Variants in TTLL5 observed in about 807,000 individuals in gnomAD.
TTLL5 encodes the protein tubulin tyrosine ligase like 5, also known as tubulin polyglutamylase TTLL5.
Under a neutral mutation model 168.4 loss-of-function variants are expected in TTLL5, and 132 were observed. That is an observed-to-expected ratio of 0.78 (90% CI 0.68 to 0.91). The LOEUF (loss-of-function observed/expected upper bound fraction) is 0.91. TTLL5 is among the 40% of genes least tolerant of loss of function. The probability of loss-of-function intolerance (pLI) is 0.00; values close to 1 mark genes in which losing one functional copy is unlikely to be tolerated. For missense variants in TTLL5, 1,545 were observed against 1,581.5 expected (o/e 0.98, Z 0.39); for synonymous variants, 546 against 558.6 (o/e 0.98, Z 0.32).
At position 75,766,125 on chromosome 14, in the gene TTLL5, T is replaced by A. The variant is rs1235365138; in HGVS notation, c.1772T>A (p.Val591Asp). 1 of 1,613,960 alleles carries A rather than the reference T, an allele frequency of 6.2e-7. No individual in the cohort carries two copies. Among genetic ancestry groups the A allele is most frequent in the Admixed American group, 1.7e-5 (1 of 59,996 alleles). ...ACAGAGAGTGAAGAGGAGGAAGAAG[T>A]CGCATTAGATAATGAAGATGAAGAA... ...TETESEEEEEVALDNEDEEQE... is the reference protein window; with the variant it reads ...TETESEEEEEDALDNEDEEQE... Residue 591 changes from valine to aspartate, a missense_variant, in exon 20 of 32, where the codon GTC becomes GAC. By Grantham distance (152) the Val-to-Asp change is radical. Coordinates refer to ENST00000298832, the MANE Select transcript of TTLL5 (RefSeq NM_015072.5).
At chr14:75,879,316 C>T (rs2140012464) in intron 29 of TTLL5, among the ~76,000 whole-genome samples, 1 of 152,286 alleles carries the variant, frequency 6.6e-6, no homozygotes, top group Admixed American at 6.5e-5. Flanking sequence ...AATTTGCTTT[C>T]ACAACTAGTG....
intron 18 of TTLL5, among the ~76,000 whole-genome samples, chr14:75,754,683 A>G (rs544691251): frequency 3.9e-4 from 60 of 152,324 alleles, no homozygotes; most frequent in Non-Finnish European, 7.2e-4. Flanking sequence ...CTAGCAGCAG[A>G]TCTAATACCT....
chr14:75,767,588 A>T (rs947549410), intron 20 of TTLL5, among the ~76,000 whole-genome samples: 1 of 152,220 alleles, frequency 6.6e-6, no homozygotes, highest in Non-Finnish European at 1.5e-5. Flanking sequence ...TACAGACTAG[A>T]GGAATTATAT....
intron 31 of TTLL5, among the ~76,000 whole-genome samples, chr14:75,930,229 T>C (rs909287705): frequency 2.0e-5 from 3 of 152,192 alleles, no homozygotes; most frequent in African/African-American, 7.2e-5. Flanking sequence ...TAACCTATAA[T>C]GTAGAGAATG....
intron 18 of TTLL5, among the ~76,000 whole-genome samples, chr14:75,756,413 G>A (rs950388338): frequency 5.3e-5 from 8 of 152,092 alleles, no homozygotes; most frequent in African/African-American, 1.9e-4. Flanking sequence ...TAATCATTGA[G>A]TATCTTTTCT....
intron 28 of TTLL5, among the ~76,000 whole-genome samples, chr14:75,851,252 G>C (rs1012776696): frequency 6.6e-6 from 1 of 152,154 alleles, no homozygotes; most frequent in Admixed American, 6.5e-5. Context: ...TACACACAGA[G>C]GAAGAATATA....
intron 9 of TTLL5, among the ~76,000 whole-genome samples, chr14:75,714,715 A>G (rs1002232249): frequency 4.6e-5 from 7 of 152,164 alleles, no homozygotes; most frequent in East Asian, 1.9e-4. Flanking sequence ...TGAGCACAAG[A>G]TGTTTCAGGC....
chr14:75,765,029 T>C (rs1890878951), intron 19 of TTLL5, among the ~76,000 whole-genome samples: 1 of 152,242 alleles, frequency 6.6e-6, no homozygotes, highest in South Asian at 2.1e-4. Flanking sequence ...TACAAATACC[T>C]GATACTCTAG....
chr14:75,926,986 CG>C (rs2140156584), intron 31 of TTLL5, among the ~76,000 whole-genome samples: 1 of 152,224 alleles, frequency 6.6e-6, no homozygotes, highest in East Asian at 1.9e-4. Context: ...CTGGGGCTGG[CG>C]GGGGCCGAGA....
chr14:75,702,118 A>T (rs374497925), intron 7 of TTLL5, among the ~76,000 whole-genome samples: 1 of 152,054 alleles, frequency 6.6e-6, no homozygotes, highest in African/African-American at 2.4e-5. Flanking sequence ...TGATGGCCAG[A>T]CCCTTCATGC....
intron 28 of TTLL5, among the ~76,000 whole-genome samples, chr14:75,828,003 C>A (rs1477347043): frequency 1.3e-5 from 2 of 152,018 alleles, no homozygotes; most frequent in African/African-American, 4.8e-5. Flanking sequence ...AGGTGTGAGC[C>A]ACTGTGCCCG....
chr14:75,698,363 A>G (rs920117393), intron 6 of TTLL5, among the ~76,000 whole-genome samples: 3 of 152,232 alleles, frequency 2.0e-5, no homozygotes, highest in Non-Finnish European at 4.4e-5. Context: ...AATCACTTGT[A>G]AATGATTGTC....
At chr14:75,747,940 C>T (rs933045767) in intron 17 of TTLL5, among the ~76,000 whole-genome samples, 1 of 152,184 alleles carries the variant, frequency 6.6e-6, no homozygotes, top group Non-Finnish European at 1.5e-5. Context: ...AACTTCTTCT[C>T]CAGGACATTG....
intron 28 of TTLL5, among the ~76,000 whole-genome samples, chr14:75,862,360 G>A (rs913338359): frequency 1.3e-5 from 2 of 152,120 alleles, no homozygotes; most frequent in South Asian, 4.1e-4. Flanking sequence ...AAAATTGCTG[G>A]ATCATTTGGT....
At chr14:75,734,247 A>G (rs1017391922) in intron 14 of TTLL5, among the ~76,000 whole-genome samples, 197 bp downstream of exon 14, 1 of 152,236 alleles carries the variant, frequency 6.6e-6, no homozygotes, top group African/African-American at 2.4e-5. Context: ...CTGAACCACA[A>G]CTAAGGCTGA....
intron 27 of TTLL5, among the ~76,000 whole-genome samples, chr14:75,798,356 C>G (rs769298359): frequency 7.3e-5 from 11 of 151,612 alleles, no homozygotes; most frequent in Non-Finnish European, 1.5e-4. Context: ...CTCTTCTAAT[C>G]TTGCTAGTGG....
chr14:75,815,446 G>A (rs1438429579), intron 27 of TTLL5, among the ~76,000 whole-genome samples: 6 of 152,130 alleles, frequency 3.9e-5, no homozygotes, highest in African/African-American at 1.4e-4. Context: ...CATCACATCA[G>A]GAATGGTTGT....
At chr14:75,928,611 A>G (rs552617714) in intron 31 of TTLL5, among the ~76,000 whole-genome samples, 3 of 152,076 alleles carry the variant, frequency 2.0e-5, no homozygotes, top group African/African-American at 7.2e-5. Flanking sequence ...TACACTAAAA[A>G]AAAGACAACT....
intron 27 of TTLL5, chr14:75,803,009 G>A (rs140041016): frequency 5.9e-4 from 90 of 152,534 alleles, no homozygotes; most frequent in African/African-American, 2.1e-3. Context: ...AGTCAGCAGG[G>A]ACTAGCTAGG....
Sources: allele counts gnomAD v4.1 joint callset (sites outside exome capture counted in the v4.1 genomes callset), GRCh38; gene constraint gnomAD v4.1.1; transcripts MANE v1.5; gene names NCBI Gene and HGNC (gene_info 2026-07-23, HGNC 2026-07-21).